Variants in ORC4 observed in about 807,000 individuals in gnomAD.
ORC4 encodes origin recognition complex subunit 4, also known as origin recognition complex, subunit 4 homolog.
A neutral mutation model predicts 63.9 loss-of-function variants in ORC4; 55 were observed. The ratio of observed to expected loss-of-function variants is 0.86; its 90% CI spans 0.69 to 1.08. The LOEUF is 1.08. Ranked by LOEUF, ORC4 falls within the 50% of genes least tolerant of loss-of-function variation. The pLI is 0.00. For synonymous variants in ORC4, 150 were observed against 168.5 expected, an observed-to-expected ratio of 0.89 and a Z score of 0.85; for missense variants, 511 against 504.4, an observed-to-expected ratio of 1.01 and a Z score of -0.13.
At chr2:147,977,551 G>C (rs991897075) in intron 1 of ORC4, among the ~76,000 whole-genome samples, 4 of 152,142 alleles carry the variant, frequency 2.6e-5, no homozygotes, top group African/African-American at 9.7e-5. Context: ...ACCCCAGTGG[G>C]GCCCAAGACC....
chr2:147,967,890 T>A (rs1194861379), intron 4 of ORC4, among the ~76,000 whole-genome samples: 2 of 152,126 alleles, frequency 1.3e-5, no homozygotes, highest in Non-Finnish European at 2.9e-5. Context: ...ACTGCCTTAC[T>A]TCAAATATAC....
intron 4 of ORC4, among the ~76,000 whole-genome samples, chr2:147,962,424 T>C (rs1428671686): frequency 6.6e-6 from 1 of 152,148 alleles, no homozygotes; most frequent in African/African-American, 2.4e-5. Context: ...GCCACCTCTG[T>C]TGTGCGCCCC....
At chr2:147,970,165 T>A (rs1021538015) in intron 4 of ORC4, among the ~76,000 whole-genome samples, 1 of 152,150 alleles carries the variant, frequency 6.6e-6, no homozygotes, top group African/African-American at 2.4e-5. Flanking sequence ...ATGTGTAAGA[T>A]CTTTATTAAG....
chr2:148,005,960 CAG>C (rs2105448682), intron 1 of ORC4, among the ~76,000 whole-genome samples: 1 of 152,242 alleles, frequency 6.6e-6, no homozygotes, highest in African/African-American at 2.4e-5. Flanking sequence ...GCCTGGGTGA[CAG>C]AGTGAGACCC....
At chr2:147,988,585 C>T (rs1440965583) in intron 1 of ORC4, among the ~76,000 whole-genome samples, 3 of 152,010 alleles carry the variant, frequency 2.0e-5, no homozygotes, top group African/African-American at 7.2e-5. Context: ...TCTCGAACTC[C>T]TGACCTCAAG....
At position 147,935,593 on chromosome 2, in the gene ORC4, G is replaced by A; in HGVS notation, c.1228C>T (p.Gln410Ter). 1 of 1,613,588 alleles carries A rather than the reference G, an allele frequency of 6.2e-7. No homozygotes were observed. The highest frequency in any genetic ancestry group is 1.3e-5 in the African/African-American group (1 of 75,024). Residue 410 changes from glutamine to a stop codon, truncating the protein, a stop_gained, in exon 14 of 14, where the codon CAA (glutamine) becomes TAA (stop). Coordinates refer to ENST00000392857, the MANE Select transcript of ORC4 (RefSeq NM_181741.4). LOFTEE classifies it high-confidence loss of function. ...TATTTCTGCAGAGCATTCATAATTT[G>A]AGTATTATCCAAAAGCAGTTTCATC... ...QLMKLLLDNTQIMNALQKYPN... is the reference protein window; with the variant it reads ...QLMKLLLDNT
At chr2:147,958,530 G>C (rs12463798) in intron 5 of ORC4, 147 bp from the exon 6 acceptor site, 1 of 630,764 alleles carries the variant, frequency 1.6e-6, no homozygotes, top group Non-Finnish European at 2.8e-6. Flanking sequence ...AAAGACATTC[G>C]GTAGAATCAA....
intron 1 of ORC4, among the ~76,000 whole-genome samples, chr2:147,989,632 A>G (rs1440044374): frequency 1.3e-5 from 2 of 152,062 alleles, no homozygotes; most frequent in South Asian, 2.1e-4. Flanking sequence ...GCTTGAACCC[A>G]GGAGGCGGAG....
Position 147,938,191 on chromosome 2 carries a change from C to G in ORC4, c.1077G>C (p.Arg359Ser), listed in dbSNP as rs1688162600. 1 of 1,612,698 alleles carries G rather than the reference C, an allele frequency of 6.2e-7. No individual in the cohort carries two copies. Among genetic ancestry groups the G allele is most frequent in the Non-Finnish European group, 8.5e-7 (1 of 1,179,162 alleles). The change falls in exon 13 of 14, where the codon AGG (arginine) becomes AGC (serine). Residue 359 changes from arginine (R) to serine (S), a missense_variant. Transcript: ENST00000392857. ...CAAAATTATAAACGGAATGTGCTTT[C>G]CTTTGAACAAACTTCTGAAACTCTG... ...VYNEFQKFVQ[R>S]KAHSVYNFEK...
chr2:148,006,658 T>C (rs1483265214), intron 1 of ORC4, among the ~76,000 whole-genome samples: 3 of 152,198 alleles, frequency 2.0e-5, no homozygotes, highest in African/African-American at 7.2e-5. Flanking sequence ...ATGGCATTTA[T>C]AGATTGACCC....
At chr2:147,973,343 T>C (rs1288375678) in intron 3 of ORC4, 105 bp downstream of exon 3, 2 of 770,180 alleles carry the variant, frequency 2.6e-6, no homozygotes, top group Non-Finnish European at 4.7e-6. Flanking sequence ...TCTATAAAAG[T>C]GTTTGTTAGC....
chr2:147,964,558 G>C (rs1689789249), intron 4 of ORC4, among the ~76,000 whole-genome samples: 1 of 152,142 alleles, frequency 6.6e-6, no homozygotes, highest in Non-Finnish European at 1.5e-5. Flanking sequence ...CCCAGTTCTT[G>C]AGAGAGGAAT....
chr2:147,990,375 T>C (rs1691507438), intron 1 of ORC4, among the ~76,000 whole-genome samples: 1 of 152,232 alleles, frequency 6.6e-6, no homozygotes, highest in Non-Finnish European at 1.5e-5. Context: ...CCATCAGAAT[T>C]AGTTTTCATT....
At chr2:147,978,904 C>G (rs1407257333) in intron 1 of ORC4, among the ~76,000 whole-genome samples, 3 of 152,094 alleles carry the variant, frequency 2.0e-5, no homozygotes, top group African/African-American at 7.2e-5. Context: ...TAACAGAATT[C>G]AATATTCCTT....
intron 1 of ORC4, among the ~76,000 whole-genome samples, chr2:147,993,736 G>A (rs1691768684): frequency 6.6e-6 from 1 of 152,058 alleles, no homozygotes; most frequent in South Asian, 2.1e-4. Flanking sequence ...GCTTAAAAAA[G>A]ACAGCATTAT....
At chr2:148,010,983 C>G (rs1024804622) in intron 1 of ORC4, among the ~76,000 whole-genome samples, 4 of 151,552 alleles carry the variant, frequency 2.6e-5, no homozygotes, top group Non-Finnish European at 5.9e-5. Context: ...CATAAGCCAC[C>G]ATGCCCAGCT....
At chr2:147,938,888 G>A (rs1306061404) in intron 11 of ORC4, among the ~76,000 whole-genome samples, 1 of 152,104 alleles carries the variant, frequency 6.6e-6, no homozygotes, top group Non-Finnish European at 1.5e-5. Flanking sequence ...AGTAGTTCTT[G>A]ATACAATGAT....
chr2:147,934,338 A>G lies in ORC4; in HGVS notation c.*1172T>C, dbSNP rs932613579. The G allele has an allele frequency of 1.3e-5, 2 of 152,192 alleles. No homozygotes were observed. The highest frequency in any genetic ancestry group is 2.9e-5 in the Non-Finnish European group (2 of 68,026). The allele number at this position is 152,192 out of a possible 1,614,324, so 9.4% of individuals were successfully genotyped here. A position where few individuals can be genotyped will look rare whatever the true frequency, so the allele number is the denominator to read the frequency against. ...GCTCATTAAATTTCATTTTAAATAT[A>G]TGCCTCTGTTAATTCATGGATCTTG... On this transcript the variant is annotated 3_prime_UTR_variant, in exon 14 of 14. Transcript: ENST00000392857.
Position 147,952,503 on chromosome 2 carries a change from G to A in ORC4, c.458C>T (p.Pro153Leu). 1 of 1,610,460 alleles carries A rather than the reference G, an allele frequency of 6.2e-7. No homozygotes were observed. The highest frequency in any genetic ancestry group is 8.5e-7 in the Non-Finnish European group (1 of 1,176,780). ...AAATTCATCTAATATGAAGATCACT[G>A]GGCAACTGCTAGTTCGGTCACCTAA... is the stretch of plus-strand genomic sequence containing the variant. ...LKKGDRTSSC[P>L]VIFILDEFDL... is the part of the protein sequence containing the mutation. Residue 153 changes from proline (P) to leucine (L), a missense_variant, in exon 8 of 14, where the codon CCA (proline) becomes CTA (leucine). Coordinates refer to ENST00000392857, the MANE Select transcript of ORC4 (RefSeq NM_181741.4).
Sources: gnomAD v4.1 joint callset for allele counts (sites outside exome capture counted in the v4.1 genomes callset) on GRCh38, gnomAD v4.1.1 for gene constraint, MANE v1.5 for transcripts, NCBI Gene and HGNC (gene_info 2026-07-23, HGNC 2026-07-21) for gene names.